The following CNTN4 variants were observed in gnomAD, a reference collection of about 807,000 sequenced individuals.
The protein encoded by CNTN4 is contactin 4, also known as contactin-4.
Under a neutral mutation model 122.5 loss-of-function variants are expected in CNTN4, and 77 were observed. The observed-to-expected ratio is 0.63, with a 90% CI of 0.52 to 0.76. CNTN4 has a LOEUF of 0.76. CNTN4 is among the 30% of genes least tolerant of loss of function. CNTN4 has a pLI of 0.00. For missense variants in CNTN4, 1,256 were observed against 1,259.1 expected, an observed-to-expected ratio of 1.00 and a Z score of 0.04; for synonymous variants, 512 against 447.0, an observed-to-expected ratio of 1.15 and a Z score of -1.83.
intron 4 of CNTN4, among the ~76,000 whole-genome samples, chr3:2,710,397 T>C (rs1420343316): frequency 2.6e-5 from 4 of 152,228 alleles, no homozygotes; most frequent in African/African-American, 9.6e-5. Context: ...TGGCTTTTGT[T>C]GTATTTTAAT....
intron 4 of CNTN4, among the ~76,000 whole-genome samples, chr3:2,586,775 C>G (rs916204442): frequency 3.9e-5 from 6 of 152,152 alleles, no homozygotes; most frequent in Non-Finnish European, 8.8e-5. Flanking sequence ...ATTTCTGTAA[C>G]TGCAACCACA....
intron 2 of CNTN4, among the ~76,000 whole-genome samples, chr3:2,122,623 G>C (rs943658813): frequency 6.6e-6 from 1 of 152,038 alleles, no homozygotes; most frequent in Non-Finnish European, 1.5e-5. Flanking sequence ...AAGAAGAATT[G>C]GAATTTTTTT....
chr3:2,526,836 A>G (rs906292798), intron 3 of CNTN4, among the ~76,000 whole-genome samples: 1 of 152,162 alleles, frequency 6.6e-6, no homozygotes, highest in Admixed American at 6.6e-5. Flanking sequence ...TGTGGGAATC[A>G]TAGTCTTACA....
intron 3 of CNTN4, among the ~76,000 whole-genome samples, chr3:2,508,262 A>G (rs913931779): frequency 6.6e-5 from 10 of 152,156 alleles, no homozygotes; most frequent in Non-Finnish European, 1.5e-4. Flanking sequence ...CTGGGCAGCA[A>G]TTTCTGAACC....
At chr3:2,718,874 A>T (rs1256448310) in intron 4 of CNTN4, among the ~76,000 whole-genome samples, 1 of 152,182 alleles carries the variant, frequency 6.6e-6, no homozygotes, top group Non-Finnish European at 1.5e-5. Flanking sequence ...ATGCAAAATG[A>T]TGGGCCCAAA....
chr3:3,056,150 C>A lies in CNTN4; in HGVS notation c.3011C>A (p.Thr1004Asn), dbSNP rs146876704. ...NAYARGSGAS[T>N]SNACTLSAIS... ...TACGCGAGAGGATCTGGGGCTTCCA[C>A]TTCGAATGCATGTACGCTGTCAGCC... The change falls in exon 25 of 25, where the codon ACT (threonine) becomes AAT (asparagine). Residue 1004 changes from threonine to asparagine, a missense_variant. Thr to Asn is a moderately conservative substitution (Grantham distance 65). Transcript: ENST00000418658. 2 of 1,614,010 alleles carry A rather than the reference C, an allele frequency of 1.2e-6. No homozygotes were observed. Among genetic ancestry groups the A allele is most frequent in the African/African-American group, 2.7e-5 (2 of 74,918 alleles).
chr3:2,575,791 T>G (rs935736347), intron 4 of CNTN4, among the ~76,000 whole-genome samples: 1 of 146,356 alleles, frequency 6.8e-6, no homozygotes, highest in African/African-American at 2.5e-5. Context: ...TAATGATATA[T>G]TTTGCTTTCT....
intron 3 of CNTN4, among the ~76,000 whole-genome samples, chr3:2,447,615 A>G (rs2048672358): frequency 6.6e-6 from 1 of 152,128 alleles, no homozygotes; most frequent in Admixed American, 6.6e-5. Flanking sequence ...ATATGTATGT[A>G]TATATTCAAT....
At chr3:2,694,697 C>G (rs1361056704) in intron 4 of CNTN4, among the ~76,000 whole-genome samples, 1 of 152,116 alleles carries the variant, frequency 6.6e-6, no homozygotes, top group Non-Finnish European at 1.5e-5. Context: ...CCACCGCACT[C>G]CAGCCTGGGC....
intron 3 of CNTN4, among the ~76,000 whole-genome samples, chr3:2,540,857 G>T (rs897506928): frequency 2.6e-5 from 4 of 152,078 alleles, no homozygotes; most frequent in Non-Finnish European, 5.9e-5. Flanking sequence ...TAAATGAAAA[G>T]GATCAGATAG....
At chr3:2,188,772 A>T (rs1435875956) in intron 2 of CNTN4, among the ~76,000 whole-genome samples, 1 of 152,126 alleles carries the variant, frequency 6.6e-6, no homozygotes, top group East Asian at 1.9e-4. Context: ...AAGCAGTAGG[A>T]ATTCTTTAGC....
intron 13 of CNTN4, among the ~76,000 whole-genome samples, chr3:2,957,062 T>C (rs1477356944): frequency 6.6e-6 from 1 of 152,230 alleles, no homozygotes; most frequent in Non-Finnish European, 1.5e-5. Flanking sequence ...GTTGTTTCTA[T>C]ATCTTGGCTA....
chr3:2,860,787 T>C (rs2093663427), intron 7 of CNTN4, among the ~76,000 whole-genome samples: 1 of 152,168 alleles, frequency 6.6e-6, no homozygotes, highest in Admixed American at 6.5e-5. Flanking sequence ...CAAAGTCTAT[T>C]GGTCATTCTC....
intron 3 of CNTN4, among the ~76,000 whole-genome samples, chr3:2,359,320 C>T (rs2045014888): frequency 6.6e-6 from 1 of 151,998 alleles, no homozygotes; most frequent in Admixed American, 6.6e-5. Context: ...TAATGTACAA[C>T]ATACATTATA....
chr3:2,546,104 T>C (rs1385208560), intron 3 of CNTN4, among the ~76,000 whole-genome samples: 1 of 152,076 alleles, frequency 6.6e-6, no homozygotes, highest in East Asian at 1.9e-4. Context: ...TGGAAAGCAA[T>C]GTGGTGATTT....
chr3:2,529,668 C>G (rs998171167), intron 3 of CNTN4, among the ~76,000 whole-genome samples: 3 of 152,020 alleles, frequency 2.0e-5, no homozygotes, highest in Non-Finnish European at 4.4e-5. Context: ...CCTTTTTTCA[C>G]AGGTAGGTTG....
At chr3:2,991,945 C>A (rs1695094419) in intron 14 of CNTN4, among the ~76,000 whole-genome samples, 1 of 152,196 alleles carries the variant, frequency 6.6e-6, no homozygotes, top group Admixed American at 6.5e-5. Context: ...GATTAAAACA[C>A]CGTGAAGGTC....
intron 4 of CNTN4, among the ~76,000 whole-genome samples, chr3:2,625,852 C>T (rs918766770): frequency 1.3e-5 from 2 of 152,082 alleles, no homozygotes; most frequent in African/African-American, 4.8e-5. Context: ...TATTTATATC[C>T]TCAGCTTCAC....
At chr3:3,014,583 T>G (rs1046699002) in intron 14 of CNTN4, among the ~76,000 whole-genome samples, 1 of 151,990 alleles carries the variant, frequency 6.6e-6, no homozygotes, top group Admixed American at 6.6e-5. Flanking sequence ...CCACTTGGTG[T>G]GAATGTCATT....
Sources: allele counts gnomAD v4.1 joint callset (sites outside exome capture counted in the v4.1 genomes callset), GRCh38; gene constraint gnomAD v4.1.1; transcripts MANE v1.5; gene names NCBI Gene and HGNC (gene_info 2026-07-23, HGNC 2026-07-21).